ITGA4: variants seen among roughly 807,000 people sequenced by gnomAD.
The protein encoded by ITGA4 is integrin alpha-4.
ITGA4 carries 63 observed loss-of-function variants against 133.6 expected under a neutral mutation model. That is an observed-to-expected ratio of 0.47 (90% confidence interval 0.38 to 0.58). The LOEUF is 0.58. Ranked by LOEUF, ITGA4 falls within the 20% of genes least tolerant of loss-of-function variation. ITGA4 has a pLI of 0.00. For missense variants in ITGA4, 1,076 were observed against 1,252.7 expected (o/e 0.86, Z 2.13); for synonymous variants, 483 against 438.0 (o/e 1.10, Z -1.28).
intron 15 of ITGA4, among the ~76,000 whole-genome samples, chr2:181,507,120 T>A (rs1686409637): frequency 6.6e-6 from 1 of 152,102 alleles, no homozygotes; most frequent in Admixed American, 6.6e-5. Flanking sequence ...ATGAAAGACA[T>A]CACAGTCTGT....
intron 25 of ITGA4, among the ~76,000 whole-genome samples, chr2:181,532,068 A>T (rs1417480296): frequency 6.6e-6 from 1 of 152,174 alleles, no homozygotes; most frequent in African/African-American, 2.4e-5. Context: ...TGAGGCCAGG[A>T]GTTCGAGACC....
In ITGA4 at chr2:181,526,821, C is replaced by CTTTTTTTTTTTTTTTTT. The variant is rs538208494; in HGVS notation, c.2340-460_2340-444dup. On this transcript the variant is annotated intron_variant, in intron 21 of 27. Coordinates refer to ENST00000397033, the MANE Select transcript of ITGA4 (RefSeq NM_000885.6). ...TGTCACCCAGGTCAGAGCACATGGC[C>CTTTTTTTTTTTTTTTTT]TTTTTTTTTTTTTTTTTTTTTTTTT... Among the ~76,000 whole-genome samples, 297 of 40,972 alleles carry CTTTTTTTTTTTTTTTTT rather than the reference C, an allele frequency of 7.2e-3. 90 individuals are homozygous for CTTTTTTTTTTTTTTTTT. The highest frequency in any genetic ancestry group is 8.3e-3 in the Non-Finnish European group (153 of 18,338). 26.9% of individuals were successfully genotyped at this position (40,972 alleles called of 152,430 possible). A position where few individuals can be genotyped will look rare whatever the true frequency, so the allele number is the denominator to read the frequency against.
rs377352952 is a variant in ITGA4, at chr2:181,514,323, G to A, written c.1922+2548G>A. On this transcript the variant is annotated intron_variant, in intron 17 of 27. Coordinates refer to ENST00000397033, the MANE Select transcript of ITGA4 (RefSeq NM_000885.6). ...AGTAAAAAGGTTGACAAATAGGGTTGAGTACCCTACTGTGGTAGGATCACA... is the reference window on the plus strand; with the variant it reads ...AGTAAAAAGGTTGACAAATAGGGTTAAGTACCCTACTGTGGTAGGATCACA... 9.5e-4 allele frequency among the ~76,000 whole-genome samples: 145 copies of A among 152,162 alleles called. 1 individual carries two copies. Among genetic ancestry groups the A allele is most frequent in the Middle Eastern group, 6.8e-3 (2 of 294 alleles).
At chr2:181,492,186 G>GTATAT in intron 10 of ITGA4, among the ~76,000 whole-genome samples, 1 of 152,242 alleles carries the variant, frequency 6.6e-6, no homozygotes, top group Admixed American at 6.5e-5. Context: ...TAAATGAGTG[G>GTATAT]GCATATTTGT....
At chr2:181,512,860 G>A (rs1028244755) in intron 17 of ITGA4, among the ~76,000 whole-genome samples, 2 of 152,006 alleles carry the variant, frequency 1.3e-5, no homozygotes, top group African/African-American at 4.8e-5. Flanking sequence ...TTCAAGTGAG[G>A]TATTTTTATG....
At chr2:181,532,342 G>T (rs1686961930) in intron 25 of ITGA4, among the ~76,000 whole-genome samples, 1 of 152,076 alleles carries the variant, frequency 6.6e-6, no homozygotes, top group Non-Finnish European at 1.5e-5. Flanking sequence ...AAATTACTTT[G>T]GGCAGTATGG....
intron 10 of ITGA4, among the ~76,000 whole-genome samples, chr2:181,488,309 G>C (rs1269404417): frequency 2.0e-5 from 3 of 152,100 alleles, no homozygotes; most frequent in Admixed American, 2.0e-4. Flanking sequence ...CTCTCAATTT[G>C]TATATGAGAC....
At chr2:181,531,460 A>C (rs1410920006) in intron 24 of ITGA4, among the ~76,000 whole-genome samples, 197 bp from the exon 25 acceptor site, 1 of 152,248 alleles carries the variant, frequency 6.6e-6, no homozygotes, top group Non-Finnish European at 1.5e-5. Context: ...CTTTATTATA[A>C]TTTAGAAAAC....
chr2:181,518,019 G>A (rs996480341), intron 17 of ITGA4, among the ~76,000 whole-genome samples: 9 of 151,916 alleles, frequency 5.9e-5, no homozygotes, highest in South Asian at 2.1e-4. Context: ...AACCTCTTAG[G>A]TTGCTTTAGT....
intron 26 of ITGA4, 42 bp downstream of exon 26, chr2:181,534,412 A>G: frequency 8.7e-7 from 1 of 1,143,188 alleles, no homozygotes; most frequent in Non-Finnish European, 1.3e-6. Flanking sequence ...ATTATAGGAA[A>G]ACACATTTCA....
At chr2:181,532,094 T>G (rs1401173136) in intron 25 of ITGA4, among the ~76,000 whole-genome samples, 1 of 152,124 alleles carries the variant, frequency 6.6e-6, no homozygotes, top group African/African-American at 2.4e-5. Context: ...TATTCCTAGG[T>G]AGATGTCTGG....
intron 15 of ITGA4, among the ~76,000 whole-genome samples, chr2:181,500,039 G>A (rs564895903): frequency 6.6e-6 from 1 of 152,246 alleles, no homozygotes; most frequent in East Asian, 1.9e-4. Context: ...TGTGTTGCAT[G>A]TATATTTGTA....
chr2:181,535,239 CAA>C (rs1281839362), intron 27 of ITGA4, among the ~76,000 whole-genome samples, 191 bp from the exon 28 acceptor site: 1 of 152,044 alleles, frequency 6.6e-6, no homozygotes, highest in Non-Finnish European at 1.5e-5. Context: ...GCATTAAAAA[CAA>C]AAATGTTTCT....
chr2:181,475,823 G>T (rs943517703), intron 4 of ITGA4: 1 of 1,601,716 alleles, frequency 6.2e-7, no homozygotes, highest in South Asian at 1.1e-5. Flanking sequence ...GCTATAGGTA[G>T]CATCAGCAAG....
At chr2:181,488,792 T>A (rs1353704293) in intron 10 of ITGA4, among the ~76,000 whole-genome samples, 1 of 152,156 alleles carries the variant, frequency 6.6e-6, no homozygotes, top group Admixed American at 6.5e-5. Context: ...TCTCCTGACC[T>A]TGTGATCTGC....
Position 181,458,232 on chromosome 2 carries a change from C to T in ITGA4, c.234C>T (p.Ala78=). 1.2e-6 allele frequency: 2 copies of T among 1,613,780 alleles called. No individual in the cohort carries two copies. The highest frequency in any genetic ancestry group is 1.7e-6 in the Non-Finnish European group (2 of 1,179,876). The change falls in exon 2 of 28, where the codon GCC becomes GCT. Residue 78 remains alanine, a synonymous_variant. Transcript: ENST00000397033. ...GTGCGCCCACTGCCAACTGGCTCGC[C>T]AACGCTTCAGTGATCAATCCCGGGG... ...LVGAPTANWL[A]NASVINPGAI... is the part of the protein sequence containing the mutation.
intron 4 of ITGA4, chr2:181,475,687 G>T: frequency 8.4e-7 from 1 of 1,188,322 alleles, no homozygotes. Flanking sequence ...TAATTGGGAA[G>T]AATAATCAGT....
chr2:181,480,775 C>T (rs1685783587), intron 6 of ITGA4, among the ~76,000 whole-genome samples: 1 of 152,128 alleles, frequency 6.6e-6, no homozygotes, highest in Non-Finnish European at 1.5e-5. Context: ...CATTGACCTT[C>T]ACCTCATAAG....
Position 181,495,290 on chromosome 2 carries a change from C to A in ITGA4, c.1340-81C>A. 1 of 976,642 alleles carries A rather than the reference C, an allele frequency of 1.0e-6. No individual in the cohort carries two copies. The highest frequency in any genetic ancestry group is 2.4e-5 in the East Asian group (1 of 41,860). The allele number at this position is 976,642 out of a possible 1,614,324, so 60.5% of individuals were successfully genotyped here. On this transcript the variant is annotated intron_variant, in intron 12 of 27. Transcript: ENST00000397033. This position sits in a 1 kb window ranked among gnomAD's most constrained non-coding sequence, Gnocchi z 4.3. ...GTGTTTTAGGTAGTCAAAGGTGATA[C>A]GTAGTTAAGTATTTATGGCTGAAAA...
Sources: gnomAD v4.1 joint callset for allele counts (sites outside exome capture counted in the v4.1 genomes callset) on GRCh38, gnomAD v4.1.1 for gene constraint, Gnocchi (gnomAD v3.1) non-coding constraint, MANE v1.5 for transcripts, NCBI Gene and HGNC (gene_info 2026-07-23, HGNC 2026-07-21) for gene names.